The following MYO7A variants were observed in gnomAD, a reference collection of about 807,000 sequenced individuals.
The protein encoded by MYO7A is myosin VIIA, also known as unconventional myosin-VIIa.
In MYO7A, 210 loss-of-function variants were observed where a neutral mutation model predicts 263.8. The ratio of observed to expected loss-of-function variants is 0.80; its 90% CI spans 0.71 to 0.89. The LOEUF is 0.89. MYO7A is among the 40% of genes least tolerant of loss of function. The pLI is 0.00. For synonymous variants in MYO7A, 1,239 were observed against 1,197.3 expected (o/e 1.03, Z -0.72); for missense variants, 2,820 against 2,968.3 (o/e 0.95, Z 1.16).
intron 46 of MYO7A, chr11:77,212,474 C>G (rs1406511136): frequency 2.9e-6 from 1 of 350,748 alleles, no homozygotes; most frequent in Non-Finnish European, 5.6e-6. Flanking sequence ...GGTGGCCTGC[C>G]TTGGAGGGTT....
At position 77,203,107 on chromosome 11, in the gene MYO7A, G is replaced by A. The variant is rs962051513; in HGVS notation, c.5216G>A (p.Arg1739Gln). The A allele has an allele frequency of 2.9e-5, 45 of 1,549,186 alleles. No homozygotes were observed. Among genetic ancestry groups the A allele is most frequent in the Non-Finnish European group, 3.7e-5 (43 of 1,147,156 alleles). Residue 1739 changes from arginine to glutamine, a missense_variant, in exon 38 of 49, where the codon CGA becomes CAA. Transcript: ENST00000409709. ...AGCCGTGTCATGGTGTCCAAGGCCCGAGGCAAGGACCGGCTGTGGAGCCAC... is the reference window on the plus strand; with the variant it reads ...AGCCGTGTCATGGTGTCCAAGGCCCAAGGCAAGGACCGGCTGTGGAGCCAC... ...TLSRVMVSKA[R>Q]GKDRLWSHTR...
intron 4 of MYO7A, among the ~76,000 whole-genome samples, chr11:77,155,635 C>T (rs1053809781): frequency 6.6e-6 from 1 of 152,228 alleles, no homozygotes; most frequent in Admixed American, 6.5e-5. Flanking sequence ...GCTCATTTTA[C>T]AGATGAAGAG....
chr11:77,214,064 T>A, intron 48 of MYO7A, 85 bp downstream of exon 48: 1 of 1,572,570 alleles, frequency 6.4e-7, no homozygotes, highest in Non-Finnish European at 8.7e-7. Context: ...ACAAACACAG[T>A]AGTGTGCGGC....
intron 22 of MYO7A, among the ~76,000 whole-genome samples, 191 bp from the exon 23 acceptor site, chr11:77,181,189 G>A: frequency 6.6e-6 from 1 of 152,218 alleles, no homozygotes; most frequent in Non-Finnish European, 1.5e-5. Flanking sequence ...GGGCAGGATT[G>A]TTATTTGGCT....
At chr11:77,146,257 T>C (rs1418643490) in intron 3 of MYO7A, among the ~76,000 whole-genome samples, 1 of 152,066 alleles carries the variant, frequency 6.6e-6, no homozygotes, top group Admixed American at 6.5e-5. Flanking sequence ...GGATGGAGGT[T>C]AGGGGTCCTT....
chr11:77,190,301 A>G (rs1955957862), intron 29 of MYO7A, among the ~76,000 whole-genome samples, 162 bp downstream of exon 29: 2 of 152,156 alleles, frequency 1.3e-5, no homozygotes, highest in Admixed American at 1.3e-4. Context: ...CCCCAGGCCC[A>G]TCGGAACAGA....
chr11:77,182,067 C>T lies in MYO7A; in HGVS notation c.3021C>T (p.Thr1007=). The change falls in exon 24 of 49, where the codon ACC becomes ACT. Residue 1007 remains threonine (T), a synonymous_variant. Transcript: ENST00000409709. ...ATAAATTTGCCAAGTTCGCGGCCAC[C>T]TACTTCCAGGGGACAACCACGCACT... ...SEYKFAKFAA[T]YFQGTTTHSY... is the part of the protein sequence containing the mutation. 1 of 1,613,362 alleles carries T rather than the reference C, an allele frequency of 6.2e-7. No homozygotes were observed.
In MYO7A at chr11:77,130,600, G is replaced by A. The variant is rs1555045775; in HGVS notation, c.-35G>A. The A allele has an allele frequency of 6.2e-7, 1 of 1,611,776 alleles. No homozygotes were observed. Among genetic ancestry groups the A allele is most frequent in the South Asian group, 1.1e-5 (1 of 90,306 alleles). On this transcript the variant is annotated 5_prime_UTR_variant, in exon 2 of 49. Coordinates refer to ENST00000409709, the MANE Select transcript of MYO7A (RefSeq NM_000260.4). ...CTCTCTCCCTGCAGAACTGTGCCTG[G>A]CCCAGTGGGCAGCAGGAGCTCCTGA...
chr11:77,192,907 ATGGT>A, intron 31 of MYO7A, among the ~76,000 whole-genome samples: 1 of 1,602 alleles, frequency 6.2e-4, no homozygotes, highest in African/African-American at 2.0e-3. Flanking sequence ...GGTGTTGGTG[ATGGT>A]GGAGGGTAGT....
Position 77,160,605 on chromosome 11 carries a change from G to A in MYO7A, c.1200+323G>A, listed in dbSNP as rs192816407. 1.2e-4 allele frequency among the ~76,000 whole-genome samples: 18 copies of A among 152,258 alleles called. 1 individual carries two copies. The highest frequency in any genetic ancestry group is 6.5e-4 in the Admixed American group (10 of 15,294). Reference sequence around the variant, plus strand: ...TCAGGTCCTGTTTCTACAACCACACGTTTGCCATTCATCGAGCCTTCACCC... The same window carrying A: ...TCAGGTCCTGTTTCTACAACCACACATTTGCCATTCATCGAGCCTTCACCC... On this transcript the variant is annotated intron_variant, in intron 11 of 48. Transcript: ENST00000409709.
In MYO7A at chr11:77,138,196, C is replaced by T. The variant is rs1254767804; in HGVS notation, c.19-4513C>T. 2.6e-5 allele frequency among the ~76,000 whole-genome samples: 4 copies of T among 152,004 alleles called. No homozygotes were observed. The highest frequency in any genetic ancestry group is 6.5e-5 in the Admixed American group (1 of 15,278). On this transcript the variant is annotated intron_variant, in intron 2 of 48. Coordinates refer to ENST00000409709, the MANE Select transcript of MYO7A (RefSeq NM_000260.4). This position sits in a 1 kb window ranked among gnomAD's most constrained non-coding sequence, Gnocchi z 4.9. ...CGCCCGCGGGCGTCACCTAAGCCGC[C>T]GTTGCCATGGGCCCGCAGCAGATGG...
rs1953517529 is a variant in MYO7A at position 77,166,108 on chromosome 11, C to T, written c.1743C>T (p.Val581=). ...TGCATGGGGACATTATCCAGCTGGT[C>T]CACTCCTCCAGGAACAAGTTCATCA... ...DTLHGDIIQL[V]HSSRNKFIKQ... Residue 581 remains valine (V), a synonymous_variant, in exon 15 of 49, where the codon GTC becomes GTT. Coordinates refer to ENST00000409709, the MANE Select transcript of MYO7A (RefSeq NM_000260.4). 6.2e-7 allele frequency: 1 copy of T among 1,613,726 alleles called. No individual in the cohort carries two copies. The highest frequency in any genetic ancestry group is 8.5e-7 in the Non-Finnish European group (1 of 1,179,874).
rs141240611 is a variant in MYO7A at position 77,182,668 on chromosome 11, G to A, written c.3285+68G>A. On this transcript the variant is annotated intron_variant, in intron 25 of 48. Coordinates refer to ENST00000409709, the MANE Select transcript of MYO7A (RefSeq NM_000260.4). ...ACAAGGAGGGCCGCTGGCATCACCA[G>A]CCTTGGGCTCCTCTGCAGAAAAAGG... 1.0e-4 allele frequency: 157 copies of A among 1,538,314 alleles called. 1 individual carries two copies. The East Asian group carries it at 3.4e-3, about 34-fold the overall frequency.
intron 4 of MYO7A, among the ~76,000 whole-genome samples, chr11:77,155,430 T>C (rs1271402394): frequency 6.6e-6 from 1 of 152,132 alleles, no homozygotes; most frequent in African/African-American, 2.4e-5. Context: ...TTCAGCTCTT[T>C]ATGGCTAATT....
chr11:77,157,228 C>T (rs1264140533), intron 7 of MYO7A, 51 bp from the exon 8 acceptor site: 1 of 1,465,584 alleles, frequency 6.8e-7, no homozygotes, highest in Non-Finnish European at 9.4e-7. Context: ...TTCCTGATGG[C>T]CTCCTCTGGC....
chr11:77,208,710 A>G lies in MYO7A; in HGVS notation c.5958A>G (p.Ser1986=), dbSNP rs2135760784. Residue 1986 remains serine (S), a synonymous_variant, in exon 44 of 49, where the codon TCA becomes TCG. Transcript: ENST00000409709. Reference sequence around the variant, plus strand: ...CCTGTGCTGCAGGAATTGTGCCCTCACTCACCTACCAGGTGTTCTTCATGA... The same window carrying G: ...CCTGTGCTGCAGGAATTGTGCCCTCGCTCACCTACCAGGTGTTCTTCATGA... The part of the protein sequence containing the change: ...ARPIKDGIVP[S]LTYQVFFMKK... 8.2e-6 allele frequency: 13 copies of G among 1,584,904 alleles called. No homozygotes were observed. Among genetic ancestry groups the G allele is most frequent in the Non-Finnish European group, 1.1e-5 (13 of 1,165,260 alleles).
In MYO7A at chr11:77,161,060, C is replaced by T. The variant is rs201839693; in HGVS notation, c.1288C>T (p.Arg430Cys). 158 of 1,613,952 alleles carry T rather than the reference C, an allele frequency of 9.8e-5. No homozygotes were observed. The highest frequency in any genetic ancestry group is 8.2e-4 in the Middle Eastern group (5 of 6,062). ...TCCCTCCCAGGATGTGAAGAACTCT[C>T]GCAGGTCCATCGGCCTCCTGGACAT... ...KPPSQDVKNS[R>C]RSIGLLDIFG... The change falls in exon 12 of 49, where the codon CGC (arginine) becomes TGC (cysteine). Residue 430 changes from arginine to cysteine, a missense_variant. Transcript: ENST00000409709.
At chr11:77,203,313 G>T in intron 38 of MYO7A, 96 bp downstream of exon 38, 2 of 1,377,380 alleles carry the variant, frequency 1.5e-6, no homozygotes, top group African/African-American at 1.4e-5. Flanking sequence ...CTGCGACCCG[G>T]GCACACATGG....
At chr11:77,195,989 G>A (rs1346123169) in intron 32 of MYO7A, among the ~76,000 whole-genome samples, 1 of 152,234 alleles carries the variant, frequency 6.6e-6, no homozygotes, top group Non-Finnish European at 1.5e-5. Flanking sequence ...ATGCACGTCT[G>A]AGTCCAAATA....
Sources: allele counts gnomAD v4.1 joint callset (sites outside exome capture counted in the v4.1 genomes callset), GRCh38; gene constraint gnomAD v4.1.1; non-coding constraint Gnocchi (gnomAD v3.1); transcripts MANE v1.5; gene names NCBI Gene and HGNC (gene_info 2026-07-23, HGNC 2026-07-21).